Variants in BAZ2B observed in about 807,000 individuals in gnomAD.
BAZ2B encodes the protein bromodomain adjacent to zinc finger domain protein 2B.
In BAZ2B, 91 loss-of-function variants were observed where a neutral mutation model predicts 246.0. The observed-to-expected ratio is 0.37, with a 90% CI of 0.31 to 0.44. The LOEUF (loss-of-function observed/expected upper bound fraction) is 0.44, where lower values mean the gene tolerates loss of function less well. BAZ2B is among the 20% of genes least tolerant of loss of function. BAZ2B has a pLI of 1.00. For missense variants in BAZ2B, 2,332 were observed against 2,533.7 expected, an observed-to-expected ratio of 0.92 and a Z score of 1.71; for synonymous variants, 855 against 860.0, an observed-to-expected ratio of 0.99 and a Z score of 0.10.
chr2:159,348,642 C>G, intron 30 of BAZ2B, 36 bp downstream of exon 30: 1 of 1,560,366 alleles, frequency 6.4e-7, no homozygotes, highest in Non-Finnish European at 8.6e-7. Context: ...CATAACTAAG[C>G]AAGAAAGAAA....
chr2:159,375,158 T>C (rs1245261052), intron 25 of BAZ2B, among the ~76,000 whole-genome samples: 1 of 152,060 alleles, frequency 6.6e-6, no homozygotes, highest in African/African-American at 2.4e-5. Context: ...CAGTGAGCTA[T>C]GATCATGCCA....
chr2:159,332,755 A>C (rs1351988109), intron 33 of BAZ2B, 69 bp from the exon 34 acceptor site: 2 of 1,521,364 alleles, frequency 1.3e-6, no homozygotes, highest in Admixed American at 3.6e-5. Context: ...GATGTTAAAC[A>C]CACCATAATT....
At position 159,478,611 on chromosome 2, in the gene BAZ2B, C is replaced by G. The variant is rs752762998; in HGVS notation, c.109G>C (p.Gly37Arg). ...SVVSKGGLST[G>R]VASLSSTINP... Reference sequence around the variant, plus strand: ...ATTGTAGAGCTAAGTGAAGCAACTCCAGTGGAAAGGCCACCTTTTGAAACT... The same window carrying G: ...ATTGTAGAGCTAAGTGAAGCAACTCGAGTGGAAAGGCCACCTTTTGAAACT... The change falls in exon 3 of 37, where the codon GGA becomes CGA. Residue 37 changes from glycine (G) to arginine (R), a missense_variant. Gly to Arg is a moderately radical substitution (Grantham distance 125). Transcript: ENST00000392783. The G allele has an allele frequency of 6.2e-7, 1 of 1,611,942 alleles. No individual in the cohort carries two copies.
the BAZ2B span, among the ~76,000 whole-genome samples, chr2:159,701,633 A>G: frequency 7.4e-5 from 11 of 147,944 alleles, no homozygotes; most frequent in East Asian, 1.8e-3. Flanking sequence ...TAAATTATAT[A>G]TGTATATATA....
intron 2 of BAZ2B, among the ~76,000 whole-genome samples, chr2:159,496,016 G>A (rs1173659337): frequency 2.0e-5 from 3 of 151,086 alleles, no homozygotes; most frequent in African/African-American, 7.3e-5. Context: ...TGATCCGCCT[G>A]CCTCGGCCTC....
chr2:159,382,526 T>C (rs2062113726), intron 25 of BAZ2B, 33 bp downstream of exon 25: 1 of 1,540,524 alleles, frequency 6.5e-7, no homozygotes, highest in Non-Finnish European at 8.7e-7. Flanking sequence ...TATGCAGTTC[T>C]AGTTGTCTTA....
At chr2:159,587,114 T>C (rs1459169047) in intron 1 of BAZ2B, among the ~76,000 whole-genome samples, 3 of 151,868 alleles carry the variant, frequency 2.0e-5, no homozygotes, top group African/African-American at 7.3e-5. Context: ...AGTATGGCTC[T>C]GTAGCCCAGG....
chr2:159,364,459 C>T (rs1019525211), intron 27 of BAZ2B, among the ~76,000 whole-genome samples: 1 of 152,220 alleles, frequency 6.6e-6, no homozygotes, highest in African/African-American at 2.4e-5. Context: ...GTGATGCGAT[C>T]GTGGCTCACT....
At position 159,569,412 on chromosome 2, in the gene BAZ2B, A is replaced by T. The variant is rs550453172; in HGVS notation, c.-45-13547T>A. Reference sequence around the variant, plus strand: ...TATATCTAGGCAAGACAGGCAAAAAATTTTTAATAAAAATAAGAAACAAAT... The same window carrying T: ...TATATCTAGGCAAGACAGGCAAAAATTTTTTAATAAAAATAAGAAACAAAT... On this transcript the variant is annotated intron_variant, in intron 1 of 36. Transcript: ENST00000392783. Among the ~76,000 whole-genome samples the T allele has an allele frequency of 6.2e-4, 94 of 152,302 alleles. 1 individual carries two copies. The highest frequency in any genetic ancestry group is 2.2e-3 in the African/African-American group (92 of 41,582).
intron 2 of BAZ2B, among the ~76,000 whole-genome samples, chr2:159,535,906 G>T (rs963407920): frequency 1.3e-5 from 2 of 152,166 alleles, no homozygotes; most frequent in Non-Finnish European, 2.9e-5. Context: ...TGTGGCAAAG[G>T]TTTGTGATTT....
chr2:159,418,612 T>G (rs530811294), intron 13 of BAZ2B, among the ~76,000 whole-genome samples: 23 of 152,084 alleles, frequency 1.5e-4, no homozygotes, highest in Non-Finnish European at 1.8e-4. Context: ...TTTTTTTTTT[T>G]GGGAAAAGCA....
intron 1 of BAZ2B, among the ~76,000 whole-genome samples, chr2:159,614,258 C>G (rs780611602): frequency 1.3e-5 from 2 of 151,600 alleles, no homozygotes; most frequent in Non-Finnish European, 2.9e-5. Flanking sequence ...CAAATTAAAA[C>G]AGTGCTAGTT....
chr2:159,335,611 C>T (rs1395273807), intron 33 of BAZ2B, among the ~76,000 whole-genome samples: 1 of 151,044 alleles, frequency 6.6e-6, no homozygotes, highest in Admixed American at 6.6e-5. Context: ...TATTCCAGCA[C>T]ATTATGAAAC....
At chr2:159,459,750 C>G in intron 3 of BAZ2B, 1 of 151,882 alleles carries the variant, frequency 6.6e-6, no homozygotes, top group Middle Eastern at 3.2e-3. Context: ...CTTATAAGTA[C>G]AAAACAAAAT....
chr2:159,328,069 C>CAAAAAAA (rs1558959778), intron 34 of BAZ2B, among the ~76,000 whole-genome samples: 5 of 111,524 alleles, frequency 4.5e-5, no homozygotes, highest in Non-Finnish European at 7.0e-5. Flanking sequence ...AGCCTCAAAA[C>CAAAAAAA]GAAAAAAAAA....
chr2:159,660,339 T>C, the BAZ2B span, among the ~76,000 whole-genome samples: 1 of 152,228 alleles, frequency 6.6e-6, no homozygotes, highest in Non-Finnish European at 1.5e-5. Context: ...TATAGATACA[T>C]AACATTTTGT....
intron 10 of BAZ2B, 60 bp downstream of exon 10, chr2:159,430,803 T>TA: frequency 1.3e-6 from 2 of 1,547,676 alleles, no homozygotes; most frequent in Non-Finnish European, 1.7e-6. Context: ...CTCTTATCAA[T>TA]AAAAATTCTT....
chr2:159,430,218 AC>A (rs1217688393), intron 10 of BAZ2B, among the ~76,000 whole-genome samples: 2 of 152,128 alleles, frequency 1.3e-5, no homozygotes, highest in Admixed American at 1.3e-4. Context: ...CGCCTCTGCC[AC>A]CCATGAAACA....
At chr2:159,438,747 TATCAAGCAGTAAA>T in intron 7 of BAZ2B, 52 bp from the exon 8 acceptor site, 1 of 1,506,210 alleles carries the variant, frequency 6.6e-7, no homozygotes, top group South Asian at 1.3e-5. Flanking sequence ...AGACAAAGAC[TATCAAGCAGTAAA>T]ACCTGGAGAT....
Sources: gnomAD v4.1 joint callset for allele counts (sites outside exome capture counted in the v4.1 genomes callset) on GRCh38, gnomAD v4.1.1 for gene constraint, MANE v1.5 for transcripts, NCBI Gene and HGNC (gene_info 2026-07-23, HGNC 2026-07-21) for gene names.